The following KIF4A variants were observed in gnomAD, a reference collection of about 807,000 sequenced individuals.
The protein encoded by KIF4A is chromosome-associated kinesin KIF4A.
A neutral mutation model predicts 105.9 loss-of-function variants in KIF4A; 7 were observed. That is an observed-to-expected ratio of 0.07 (90% CI 0.04 to 0.12). The LOEUF is 0.12. KIF4A is among the 10% of genes least tolerant of loss of function. The pLI is 1.00. For synonymous variants in KIF4A, 281 were observed against 331.3 expected (o/e 0.85, Z 1.65); for missense variants, 558 against 929.2 (o/e 0.60, Z 5.19).
intron 13 of KIF4A, among the ~76,000 whole-genome samples, chrX:70,347,799 C>G (rs1468789685): frequency 1.0e-5 from 1 of 99,074 alleles, no homozygotes; most frequent in African/African-American, 3.7e-5. Context: ...CAAGGTGAAA[C>G]CCCGTCTCTA....
chrX:70,366,639 T>C (rs2086104810), intron 15 of KIF4A, among the ~76,000 whole-genome samples: 1 of 112,140 alleles, frequency 8.9e-6, no homozygotes, highest in Admixed American at 9.5e-5. Context: ...TTCTGTTCTT[T>C]TACATTTGCT....
chrX:70,347,974 C>CAA lies in KIF4A; in HGVS notation c.1431+4004_1431+4005dup, dbSNP rs61178799. Among the ~76,000 whole-genome samples the CAA allele has an allele frequency of 6.9e-4, 16 of 23,167 alleles. 3 individuals carry two copies. Among genetic ancestry groups the CAA allele is most frequent in the East Asian group, 0.017 (2 of 117 alleles). The allele number at this position is 23,167 out of a possible 115,157, so 20.1% of individuals were successfully genotyped here. On this transcript the variant is annotated intron_variant, in intron 13 of 30. Coordinates refer to ENST00000374403, the MANE Select transcript of KIF4A (RefSeq NM_012310.5). Reference sequence around the variant, plus strand: ...TGGGCGACAGAGCGAGACTCCGTCTCAAAAAAAAAAAAAGAATGATTTAGT... The same window carrying CAA: ...TGGGCGACAGAGCGAGACTCCGTCTCAAAAAAAAAAAAAAAGAATGATTTAGT...
Position 70,417,609 on chromosome X carries a change from T to C in KIF4A, c.3256-279T>C, listed in dbSNP as rs191610770. 9.6e-4 allele frequency among the ~76,000 whole-genome samples: 107 copies of C among 111,716 alleles called. 1 individual carries two copies. Among genetic ancestry groups the C allele is most frequent in the Admixed American group, 1.8e-3 (19 of 10,546 alleles). Reference sequence around the variant, plus strand: ...TTGCAGTGAGCGGAGATCGTGCCACTGCACTCCAGCCTGGGTGACATAATA... The same window carrying C: ...TTGCAGTGAGCGGAGATCGTGCCACCGCACTCCAGCCTGGGTGACATAATA... On this transcript the variant is annotated intron_variant, in intron 28 of 30. Transcript: ENST00000374403.
chrX:70,303,191 A>C (rs952309635), intron 7 of KIF4A, among the ~76,000 whole-genome samples: 1 of 112,080 alleles, frequency 8.9e-6, no homozygotes, highest in African/African-American at 3.2e-5. Flanking sequence ...ACTTATATCA[A>C]ACCCACTGTT....
chrX:70,371,321 G>A (rs1436085281), intron 15 of KIF4A, among the ~76,000 whole-genome samples: 5 of 109,471 alleles, frequency 4.6e-5, no homozygotes, highest in Non-Finnish European at 9.5e-5. Context: ...CAGATCAACA[G>A]GATAAGAATT....
intron 15 of KIF4A, among the ~76,000 whole-genome samples, chrX:70,369,426 G>A (rs1569243951): frequency 8.9e-6 from 1 of 112,354 alleles, no homozygotes; most frequent in Non-Finnish European, 1.9e-5. Context: ...TATCAGATTG[G>A]TAACAGTTTT....
intron 22 of KIF4A, among the ~76,000 whole-genome samples, chrX:70,401,059 G>T (rs368474775): frequency 1.9e-5 from 2 of 105,281 alleles, no homozygotes; most frequent in Non-Finnish European, 3.9e-5. Flanking sequence ...GAGCCACCGC[G>T]CCCCGCCAAT....
intron 18 of KIF4A, among the ~76,000 whole-genome samples, chrX:70,379,108 A>G (rs941863138): frequency 9.2e-6 from 1 of 108,814 alleles, no homozygotes; most frequent in Admixed American, 9.9e-5. Context: ...GCTTGCAGTG[A>G]GCAGAGATCG....
intron 13 of KIF4A, among the ~76,000 whole-genome samples, chrX:70,346,400 A>G (rs1186223314): frequency 9.0e-6 from 1 of 111,680 alleles, no homozygotes; most frequent in African/African-American, 3.3e-5. Flanking sequence ...GGTACCCACC[A>G]TTGTTCATGG....
intron 7 of KIF4A, among the ~76,000 whole-genome samples, chrX:70,321,002 A>G (rs1275736381): frequency 8.9e-6 from 1 of 112,463 alleles, no homozygotes; most frequent in Non-Finnish European, 1.9e-5. Flanking sequence ...TTACATATGT[A>G]GCTTTAAAAA....
intron 20 of KIF4A, among the ~76,000 whole-genome samples, chrX:70,390,549 T>A (rs1322126636): frequency 8.9e-6 from 1 of 111,973 alleles, no homozygotes; most frequent in Non-Finnish European, 1.9e-5. Context: ...GTTGAGATGA[T>A]CTGACTGTTG....
Position 70,333,662 on chromosome X carries a change from A to T in KIF4A, c.1106A>T (p.His369Leu). Residue 369 changes from histidine to leucine, a missense_variant, in exon 10 of 31, where the codon CAT (histidine) becomes CTT (leucine). Physicochemically the swap from His to Leu is moderately conservative, Grantham distance 99. This residue lies in a region of KIF4A where 469 missense variants were observed against 680.4 expected (regional missense o/e 0.69). Transcript: ENST00000374403. ...QQLQVLLLQAHGGTLPGSITV... is the reference protein window; with the variant it reads ...QQLQVLLLQALGGTLPGSITV... Reference sequence around the variant, plus strand: ...CTACAAGTCTTGTTGCTACAGGCCCATGGAGGTACCCTGCCTGGATCTATA... The same window carrying T: ...CTACAAGTCTTGTTGCTACAGGCCCTTGGAGGTACCCTGCCTGGATCTATA... The T allele has an allele frequency of 8.3e-7, 1 of 1,198,166 alleles. No individual in the cohort carries two copies. The highest frequency in any genetic ancestry group is 1.1e-6 in the Non-Finnish European group (1 of 883,294).
chrX:70,314,746 C>T (rs1056957102), intron 7 of KIF4A, among the ~76,000 whole-genome samples: 3 of 110,540 alleles, frequency 2.7e-5, no homozygotes, highest in Non-Finnish European at 5.7e-5. Flanking sequence ...TATTTAAGGG[C>T]CAAGGGTAAA....
At chrX:70,317,050 T>A (rs1856348528) in intron 7 of KIF4A, among the ~76,000 whole-genome samples, 1 of 112,260 alleles carries the variant, frequency 8.9e-6, no homozygotes, top group Non-Finnish European at 1.9e-5. Flanking sequence ...AGTTGTAGTT[T>A]GTTTATTTTT....
At chrX:70,333,729 G>A (rs779159705) in intron 10 of KIF4A, 40 bp downstream of exon 10, 1 of 938,585 alleles carries the variant, frequency 1.1e-6, no homozygotes, top group African/African-American at 1.9e-5. Flanking sequence ...TATTCTAATA[G>A]AGGCTATTTT....
chrX:70,342,884 A>G (rs930866723), intron 11 of KIF4A, among the ~76,000 whole-genome samples: 10 of 112,483 alleles, frequency 8.9e-5, no homozygotes, highest in Non-Finnish European at 1.9e-4. Context: ...CCACATACTC[A>G]TCCGACCTTT....
At chrX:70,371,653 G>C (rs1305816797) in intron 15 of KIF4A, among the ~76,000 whole-genome samples, 20 of 105,139 alleles carry the variant, frequency 1.9e-4, no homozygotes, top group South Asian at 8.8e-4. Context: ...CAGGTGGGGG[G>C]CTGACCCCCC....
intron 18 of KIF4A, among the ~76,000 whole-genome samples, chrX:70,380,710 TCTAAA>T (rs1229343163): frequency 1.8e-5 from 2 of 112,199 alleles, no homozygotes; most frequent in Non-Finnish European, 3.8e-5. Flanking sequence ...ATAAATGGCA[TCTAAA>T]CTGGAAAAGG....
chrX:70,374,662 A>T (rs2023704096), intron 16 of KIF4A, among the ~76,000 whole-genome samples: 1 of 111,743 alleles, frequency 8.9e-6, no homozygotes, highest in South Asian at 3.8e-4. Flanking sequence ...TTGTGAATGG[A>T]ATTAATGTCC....
Sources: allele counts gnomAD v4.1 joint callset (sites outside exome capture counted in the v4.1 genomes callset), GRCh38; gene constraint gnomAD v4.1.1; regional missense constraint gnomAD v4.1.1; transcripts MANE v1.5; gene names NCBI Gene and HGNC (gene_info 2026-07-23, HGNC 2026-07-21).